Variants in ATG3 observed in about 807,000 individuals in gnomAD.
ATG3 encodes ubiquitin-like-conjugating enzyme ATG3.
A neutral mutation model predicts 50.7 loss-of-function variants in ATG3; 25 were observed. The observed-to-expected ratio is 0.49, with a 90% confidence interval of 0.36 to 0.69. The LOEUF (loss-of-function observed/expected upper bound fraction) is 0.69, where lower values mean the gene tolerates loss of function less well. Among genes scored for constraint, ATG3 ranks in the 30% least tolerant of loss-of-function variants. The probability of loss-of-function intolerance (pLI) is 0.00; values close to 1 mark genes in which losing one functional copy is unlikely to be tolerated. For missense variants in ATG3, 281 were observed against 376.0 expected (o/e 0.75, Z 2.09); for synonymous variants, 119 against 125.5 (o/e 0.95, Z 0.34).
intron 2 of ATG3, among the ~76,000 whole-genome samples, chr3:112,555,182 T>G (rs927831619): frequency 6.6e-6 from 1 of 151,954 alleles, no homozygotes; most frequent in Non-Finnish European, 1.5e-5. Context: ...ACAAGAACAC[T>G]AGGAGGCAAG....
intron 5 of ATG3, 51 bp from the exon 6 acceptor site, chr3:112,544,157 C>T: frequency 7.2e-7 from 1 of 1,398,434 alleles, no homozygotes; most frequent in Non-Finnish European, 1.0e-6. Context: ...TGTAAACACC[C>T]TATTTACTTA....
chr3:112,549,341 C>G (rs1403201318), intron 4 of ATG3, among the ~76,000 whole-genome samples: 1 of 151,976 alleles, frequency 6.6e-6, no homozygotes, highest in African/African-American at 2.4e-5. Flanking sequence ...AAATTATCAG[C>G]CTTTGTAAAA....
At chr3:112,544,216 A>T (rs971994926) in intron 5 of ATG3, 110 bp from the exon 6 acceptor site, 2 of 872,060 alleles carry the variant, frequency 2.3e-6, no homozygotes, top group Admixed American at 4.6e-5. Context: ...CTCTGAAATA[A>T]GGAGGCAAAT....
chr3:112,550,325 A>G, intron 3 of ATG3, 63 bp from the exon 4 acceptor site: 1 of 1,252,254 alleles, frequency 8.0e-7, no homozygotes, highest in East Asian at 2.4e-5. Flanking sequence ...TATACAGCAG[A>G]AAGTATTGCA....
chr3:112,557,182 G>C (rs1933708163), intron 2 of ATG3, among the ~76,000 whole-genome samples: 1 of 151,600 alleles, frequency 6.6e-6, no homozygotes, highest in African/African-American at 2.4e-5. Context: ...CTGTCGCCCA[G>C]GCTGGACTAC....
intron 1 of ATG3, among the ~76,000 whole-genome samples, chr3:112,560,383 G>A (rs1009310556): frequency 3.3e-5 from 5 of 152,142 alleles, no homozygotes; most frequent in Non-Finnish European, 7.4e-5. Context: ...ATAATCGCTG[G>A]TTTATTTCTT....
chr3:112,535,353 C>T, intron 10 of ATG3: 1 of 152,058 alleles, frequency 6.6e-6, no homozygotes, highest in African/African-American at 2.4e-5. Flanking sequence ...TTTTGAAATA[C>T]TTATATCCCA....
At chr3:112,536,165 A>T in intron 10 of ATG3, 1 of 275,528 alleles carries the variant, frequency 3.6e-6, no homozygotes, top group East Asian at 9.0e-5. Flanking sequence ...TGAGTCAAAA[A>T]CAGAATCTTC....
At chr3:112,533,541 G>A in intron 11 of ATG3, 1 of 985,252 alleles carries the variant, frequency 1.0e-6, no homozygotes, top group Non-Finnish European at 1.2e-6. Flanking sequence ...ATTAGACGTG[G>A]CATCTTAGTC....
intron 4 of ATG3, among the ~76,000 whole-genome samples, 153 bp from the exon 5 acceptor site, chr3:112,548,793 T>G (rs969684169): frequency 2.0e-5 from 3 of 152,228 alleles, no homozygotes; most frequent in African/African-American, 7.2e-5. Flanking sequence ...AAGAGTTACA[T>G]TCAGCTCATA....
At chr3:112,535,434 TAA>T (rs1214153005) in intron 10 of ATG3, 2 of 152,160 alleles carry the variant, frequency 1.3e-5, no homozygotes, top group East Asian at 3.8e-4. Context: ...CCCAACTGAG[TAA>T]AGTTTATACC....
intron 5 of ATG3, among the ~76,000 whole-genome samples, chr3:112,544,722 A>T (rs1325498064): frequency 6.6e-6 from 1 of 151,040 alleles, no homozygotes; most frequent in Non-Finnish European, 1.5e-5. Context: ...CATTTTAATT[A>T]AACTTGCATC....
intron 5 of ATG3, 30 bp from the exon 6 acceptor site, chr3:112,544,136 T>C: frequency 6.5e-7 from 1 of 1,548,626 alleles, no homozygotes; most frequent in Non-Finnish European, 8.9e-7. Flanking sequence ...AAAGAATAAC[T>C]AAAATTAAAC....
intron 5 of ATG3, among the ~76,000 whole-genome samples, chr3:112,545,682 T>C (rs1576720511): frequency 1.3e-5 from 2 of 152,170 alleles, no homozygotes; most frequent in South Asian, 2.1e-4. Flanking sequence ...ACCTCTTTAA[T>C]TTGTCAAAAT....
At chr3:112,554,096 G>A (rs1933600027) in intron 2 of ATG3, among the ~76,000 whole-genome samples, 2 of 152,208 alleles carry the variant, frequency 1.3e-5, no homozygotes, top group Admixed American at 1.3e-4. Context: ...ACACGAACAT[G>A]AGCTGATCTT....
intron 2 of ATG3, among the ~76,000 whole-genome samples, chr3:112,554,010 C>T (rs979636962): frequency 2.0e-5 from 3 of 152,170 alleles, no homozygotes; most frequent in African/African-American, 7.2e-5. Flanking sequence ...GAATATTGTA[C>T]AAGTTTTTGT....
intron 4 of ATG3, among the ~76,000 whole-genome samples, chr3:112,548,901 C>A (rs930434946): frequency 6.6e-6 from 1 of 152,184 alleles, no homozygotes; most frequent in Non-Finnish European, 1.5e-5. Context: ...CATTCCTTTA[C>A]CATGATGGTC....
chr3:112,558,188 G>C, intron 2 of ATG3, 188 bp downstream of exon 2: 1 of 566,754 alleles, frequency 1.8e-6, no homozygotes, highest in Non-Finnish European at 3.2e-6. Context: ...TATGAGAAGT[G>C]GCAAACTGAC....
chr3:112,533,775 G>A, intron 11 of ATG3: 1 of 985,286 alleles, frequency 1.0e-6, no homozygotes, highest in Non-Finnish European at 1.2e-6. Flanking sequence ...GAAAACTATA[G>A]TAAGATACAA....
Sources: allele counts gnomAD v4.1 joint callset (sites outside exome capture counted in the v4.1 genomes callset), GRCh38; gene constraint gnomAD v4.1.1; transcripts MANE v1.5; gene names NCBI Gene and HGNC (gene_info 2026-07-23, HGNC 2026-07-21).